DPYSL3: variants seen among roughly 807,000 people sequenced by gnomAD.
DPYSL3 encodes dihydropyrimidinase like 3.
DPYSL3 carries 16 observed loss-of-function variants against 66.1 expected under a neutral mutation model. The ratio of observed to expected loss-of-function variants is 0.24; its 90% CI spans 0.16 to 0.37. The LOEUF is 0.37. Ranked by LOEUF, DPYSL3 falls within the 10% of genes least tolerant of loss-of-function variation. DPYSL3 has a pLI of 1.00. For synonymous variants in DPYSL3, 338 were observed against 345.1 expected, an observed-to-expected ratio of 0.98 and a Z score of 0.23; for missense variants, 738 against 916.2, an observed-to-expected ratio of 0.81 and a Z score of 2.51.
intron 1 of DPYSL3, among the ~76,000 whole-genome samples, chr5:147,463,431 C>A (rs1485301897): frequency 6.6e-6 from 1 of 152,014 alleles, no homozygotes; most frequent in Admixed American, 6.5e-5. Flanking sequence ...TTGACTTGGA[C>A]CCGGAAGGGG....
At chr5:147,416,831 G>C (rs1345908701) in intron 3 of DPYSL3, among the ~76,000 whole-genome samples, 2 of 152,168 alleles carry the variant, frequency 1.3e-5, no homozygotes, top group Admixed American at 1.3e-4. Context: ...TAACAATAGA[G>C]AAGTTAGGTT....
intron 2 of DPYSL3, 51 bp from the exon 3 acceptor site, chr5:147,418,682 G>C (rs1752022067): frequency 6.7e-7 from 1 of 1,496,808 alleles, no homozygotes; most frequent in South Asian, 1.4e-5. Context: ...TCATTTAAAA[G>C]TGCAATTTCC....
At chr5:147,508,994 G>A (rs1753719006) in intron 1 of DPYSL3, among the ~76,000 whole-genome samples, 1 of 152,078 alleles carries the variant, frequency 6.6e-6, no homozygotes, top group African/African-American at 2.4e-5. Context: ...AGGGGAGACC[G>A]CCCCTCCAGT....
In DPYSL3 at chr5:147,447,782, G is replaced by A. The variant is rs1752654439; in HGVS notation, c.382-22819C>T. Among the ~76,000 whole-genome samples the A allele has an allele frequency of 3.9e-5, 6 of 152,122 alleles. No homozygotes were observed. The South Asian group carries it at 1.0e-3, about 26-fold the overall frequency. ...CTACTCAGGAGGCGGAGGTTGCCGT[G>A]AGCTGAGATCGCGCCACTGCACTCC... is the stretch of plus-strand genomic sequence containing the variant. On this transcript the variant is annotated intron_variant, in intron 1 of 13. Transcript: ENST00000343218.
intron 1 of DPYSL3, among the ~76,000 whole-genome samples, chr5:147,440,040 C>T (rs1296418303): frequency 2.0e-5 from 3 of 152,188 alleles, no homozygotes; most frequent in Non-Finnish European, 4.4e-5. Context: ...CAGCGGCTCA[C>T]GCCTGTAATC....
intron 8 of DPYSL3, among the ~76,000 whole-genome samples, chr5:147,402,480 TG>T (rs1266753494): frequency 1.4e-5 from 2 of 147,868 alleles, no homozygotes; most frequent in Non-Finnish European, 2.9e-5. Flanking sequence ...CCCGAGTAGC[TG>T]GGACTACAGG....
intron 1 of DPYSL3, among the ~76,000 whole-genome samples, chr5:147,491,001 A>G (rs1753407501): frequency 6.6e-6 from 1 of 152,210 alleles, no homozygotes; most frequent in Non-Finnish European, 1.5e-5. Flanking sequence ...CCATTTTGAA[A>G]TACATTAAAG....
chr5:147,450,142 C>G (rs1006776326), intron 1 of DPYSL3, among the ~76,000 whole-genome samples: 1 of 152,130 alleles, frequency 6.6e-6, no homozygotes, highest in South Asian at 2.1e-4. Context: ...GCCTCCAACA[C>G]TTACTAAATC....
chr5:147,435,962 A>C (rs1752407600), intron 1 of DPYSL3, among the ~76,000 whole-genome samples: 1 of 152,188 alleles, frequency 6.6e-6, no homozygotes, highest in South Asian at 2.1e-4. Context: ...TGGAGACTGT[A>C]GCTGTATGGA....
chr5:147,443,485 T>TG (rs1440238740), intron 1 of DPYSL3, among the ~76,000 whole-genome samples: 5 of 151,240 alleles, frequency 3.3e-5, no homozygotes, highest in Non-Finnish European at 7.4e-5. Context: ...TGTTGGGGGT[T>TG]GGGGGGGTGA....
At chr5:147,485,385 A>T (rs1217977000) in intron 1 of DPYSL3, among the ~76,000 whole-genome samples, 1 of 152,168 alleles carries the variant, frequency 6.6e-6, no homozygotes, top group Non-Finnish European at 1.5e-5. Context: ...GGGCCAAGCG[A>T]CTAAATAAAC....
intron 2 of DPYSL3, among the ~76,000 whole-genome samples, chr5:147,418,853 G>A (rs552787730): frequency 2.0e-5 from 3 of 152,150 alleles, no homozygotes; most frequent in Non-Finnish European, 4.4e-5. Flanking sequence ...CCATTCGGTG[G>A]GACCACGTGT....
chr5:147,412,204 A>C (rs1158741736), intron 6 of DPYSL3, among the ~76,000 whole-genome samples: 1 of 152,220 alleles, frequency 6.6e-6, no homozygotes, highest in Non-Finnish European at 1.5e-5. Flanking sequence ...TGAGTTCCAC[A>C]GACTTGGATC....
At position 147,408,788 on chromosome 5, in the gene DPYSL3, G is replaced by T. The variant is rs35891125; in HGVS notation, c.972C>A (p.Thr324=). The change falls in exon 7 of 14, where the codon ACC becomes ACA. Residue 324 remains threonine, a synonymous_variant. Coordinates refer to ENST00000343218, the MANE Select transcript of DPYSL3 (RefSeq NM_001197294.2). ...CAGTTATCCCCATTTCCAACATGCG[G>T]GTTTGCTCCTGAAATGAAAAAAGAA... ...ENGDIIAQEQ[T]RMLEMGITGP... 1 of 1,614,020 alleles carries T rather than the reference G, an allele frequency of 6.2e-7. No individual in the cohort carries two copies. Among genetic ancestry groups the T allele is most frequent in the African/African-American group, 1.3e-5 (1 of 74,900 alleles).
chr5:147,409,455 T>C (rs1751800428), intron 6 of DPYSL3, among the ~76,000 whole-genome samples: 5 of 152,184 alleles, frequency 3.3e-5, no homozygotes, highest in Middle Eastern at 3.2e-3. Context: ...AATGAATGGA[T>C]TCAAAATTTA....
chr5:147,435,333 A>T (rs772300515), intron 1 of DPYSL3, among the ~76,000 whole-genome samples: 1 of 152,346 alleles, frequency 6.6e-6, no homozygotes, highest in South Asian at 2.1e-4. Context: ...CTTTAAGTAC[A>T]TGTTGTTCAA....
intron 1 of DPYSL3, among the ~76,000 whole-genome samples, chr5:147,486,741 T>A (rs1222890073): frequency 6.6e-6 from 1 of 152,104 alleles, no homozygotes; most frequent in Admixed American, 6.6e-5. Context: ...AATACATGAG[T>A]CAAAGAGTAA....
intron 1 of DPYSL3, among the ~76,000 whole-genome samples, chr5:147,485,461 C>T (rs1424293174): frequency 6.6e-6 from 1 of 152,158 alleles, no homozygotes; most frequent in Non-Finnish European, 1.5e-5. Context: ...GAGTACTTTC[C>T]ATCATATGAA....
intron 1 of DPYSL3, among the ~76,000 whole-genome samples, chr5:147,478,165 T>TG (rs1360138499): frequency 6.6e-6 from 1 of 152,234 alleles, no homozygotes; most frequent in Non-Finnish European, 1.5e-5. Context: ...TTGTATTCAT[T>TG]GGTCTGTTAG....
Sources: gnomAD v4.1 joint callset for allele counts (sites outside exome capture counted in the v4.1 genomes callset) on GRCh38, gnomAD v4.1.1 for gene constraint, MANE v1.5 for transcripts, NCBI Gene and HGNC (gene_info 2026-07-23, HGNC 2026-07-21) for gene names.